The following ACOT11 variants were observed in gnomAD, a reference collection of about 807,000 sequenced individuals.
ACOT11 encodes the protein acyl-coenzyme A thioesterase 11.
A neutral mutation model predicts 77.5 loss-of-function variants in ACOT11; 69 were observed. That is an observed-to-expected ratio of 0.89 (90% confidence interval 0.73 to 1.09). ACOT11 has a LOEUF of 1.09. Among genes scored for constraint, ACOT11 ranks in the 50% least tolerant of loss-of-function variants. The pLI is 0.00. For synonymous variants in ACOT11, 279 were observed against 313.0 expected (o/e 0.89, Z 1.15); for missense variants, 766 against 813.7 (o/e 0.94, Z 0.71).
intron 1 of ACOT11, among the ~76,000 whole-genome samples, chr1:54,569,129 T>TAA (rs1653846480): frequency 3.3e-4 from 11 of 33,102 alleles, no homozygotes; most frequent in Non-Finnish European, 5.3e-4. Context: ...AAAAAAATAA[T>TAA]TTTTTTTTTT....
intron 11 of ACOT11, 26 bp downstream of exon 11, chr1:54,603,963 A>C (rs762428631): frequency 6.2e-7 from 1 of 1,610,766 alleles, no homozygotes; most frequent in Non-Finnish European, 8.5e-7. Context: ...CCGAGAGGAC[A>C]GTCTTCAGAC....
intron 13 of ACOT11, among the ~76,000 whole-genome samples, chr1:54,605,449 G>C (rs995722515): frequency 6.6e-6 from 1 of 152,198 alleles, no homozygotes; most frequent in African/African-American, 2.4e-5. Flanking sequence ...CCAACCAGCT[G>C]TGTGACATTG....
exon 17 of ACOT11, chr1:54,636,572 AGAGACGAGCAG>A (rs771276305): frequency 6.6e-6 from 1 of 152,210 alleles, no homozygotes; most frequent in South Asian, 2.1e-4. Flanking sequence ...TCCATTGCCC[AGAGACGAGCAG>A]GAGACAGAAG....
At chr1:54,616,754 G>A (rs1197282522) in intron 15 of ACOT11, among the ~76,000 whole-genome samples, 1 of 152,080 alleles carries the variant, frequency 6.6e-6, no homozygotes, top group Non-Finnish European at 1.5e-5. Context: ...ACATTTCCAC[G>A]ATCTTTTTTT....
Position 54,609,882 on chromosome 1 carries a change from C to A in ACOT11, c.*770C>A. The A allele has an allele frequency of 6.2e-7, 1 of 1,613,190 alleles. No homozygotes were observed. The highest frequency in any genetic ancestry group is 1.1e-5 in the South Asian group (1 of 91,076). ...CCACTTGGAGTATGAACAATGGGCA[C>A]GGGGTTTTCAGCCACAGTTCCCTCG... On this transcript the variant is annotated 3_prime_UTR_variant, in exon 16 of 16. Coordinates refer to ENST00000343744, the MANE Select transcript of ACOT11 (RefSeq NM_147161.4).
chr1:54,617,887 C>T (rs544592332), intron 15 of ACOT11, among the ~76,000 whole-genome samples: 5 of 151,648 alleles, frequency 3.3e-5, no homozygotes, highest in South Asian at 4.2e-4. Context: ...CCACCATGCA[C>T]GGCTAATTTT....
At chr1:54,585,175 T>C (rs1477901288) in intron 2 of ACOT11, among the ~76,000 whole-genome samples, 1 of 152,172 alleles carries the variant, frequency 6.6e-6, no homozygotes, top group Admixed American at 6.5e-5. Context: ...AGCCCCTGAC[T>C]GCCTGCCCTG....
At chr1:54,580,859 A>C (rs1654280521) in intron 1 of ACOT11, among the ~76,000 whole-genome samples, 1 of 152,214 alleles carries the variant, frequency 6.6e-6, no homozygotes, top group Non-Finnish European at 1.5e-5. Context: ...CCTAGCAGAC[A>C]GGCGCAGATA....
intron 1 of ACOT11, among the ~76,000 whole-genome samples, chr1:54,563,335 G>C (rs1653618602): frequency 6.6e-6 from 1 of 152,106 alleles, no homozygotes; most frequent in African/African-American, 2.4e-5. Flanking sequence ...CTTTGGTATT[G>C]AGAAAAGCGA....
At chr1:54,581,781 G>A (rs969610310) in intron 1 of ACOT11, among the ~76,000 whole-genome samples, 2 of 152,138 alleles carry the variant, frequency 1.3e-5, no homozygotes, top group Admixed American at 6.5e-5. Context: ...CTCTCCCTAT[G>A]ACTGGCCCTG....
At chr1:54,572,574 G>T (rs983325300) in intron 1 of ACOT11, among the ~76,000 whole-genome samples, 1 of 152,210 alleles carries the variant, frequency 6.6e-6, no homozygotes, top group South Asian at 2.1e-4. Context: ...CCCTGAGGGG[G>T]GGGGTCACAC....
At chr1:54,586,270 T>C (rs1307071613) in intron 3 of ACOT11, among the ~76,000 whole-genome samples, 4 of 150,458 alleles carry the variant, frequency 2.7e-5, no homozygotes, top group African/African-American at 9.9e-5. Context: ...CTTTTTGAGC[T>C]TGGACATTCT....
intron 1 of ACOT11, among the ~76,000 whole-genome samples, chr1:54,559,300 C>T (rs1022238170): frequency 6.6e-6 from 1 of 151,354 alleles, no homozygotes; most frequent in Non-Finnish European, 1.5e-5. Context: ...GCTGAGCTGA[C>T]CCCACCCCAC....
intron 1 of ACOT11, among the ~76,000 whole-genome samples, chr1:54,565,700 A>G (rs1386097433): frequency 6.6e-6 from 1 of 152,128 alleles, no homozygotes; most frequent in African/African-American, 2.4e-5. Context: ...GGGATCTTTG[A>G]GCTTCTGCAA....
intron 1 of ACOT11, among the ~76,000 whole-genome samples, chr1:54,583,139 C>T (rs564782242): frequency 5.3e-5 from 8 of 152,228 alleles, no homozygotes; most frequent in Non-Finnish European, 7.4e-5. Context: ...TGTGAGAGCC[C>T]GCAAGCCAGG....
intron 7 of ACOT11, 141 bp from the exon 8 acceptor site, chr1:54,599,155 A>T (rs1289733046): frequency 4.0e-5 from 1 of 25,234 alleles, no homozygotes; most frequent in Non-Finnish European, 6.8e-5. Flanking sequence ...TCAAAAAAAA[A>T]AAAAAAAAAA....
Position 54,584,495 on chromosome 1 carries a change from G to T in ACOT11, c.34-160G>T, listed in dbSNP as rs547792868. 5.4e-4 allele frequency among the ~76,000 whole-genome samples: 82 copies of T among 152,234 alleles called. No homozygotes were observed. Among genetic ancestry groups the T allele is most frequent in the African/African-American group, 1.9e-3 (79 of 41,526 alleles). ...CAGATATCCTGGGGTCCGAGACCACGGGCTGGAGGGTGGTGACCACTCTCG... is the reference window on the plus strand; with the variant it reads ...CAGATATCCTGGGGTCCGAGACCACTGGCTGGAGGGTGGTGACCACTCTCG... On this transcript the variant is annotated intron_variant, in intron 1 of 15. Transcript: ENST00000343744. The surrounding 1 kb of genome is among the most constrained non-coding windows in gnomAD (Gnocchi z 6.3).
At chr1:54,610,351 C>T, downstream of ACOT11, 2 of 1,583,752 alleles carry the variant, frequency 1.3e-6, no homozygotes. Flanking sequence ...GGTACCTGCC[C>T]CAAGCAAAGG....
exon 17 of ACOT11, chr1:54,635,349 G>A (rs1644325404): frequency 7.4e-6 from 2 of 270,566 alleles, no homozygotes; most frequent in Non-Finnish European, 1.4e-5. Context: ...GTTAAGTACG[G>A]CAAAAGTTCC....
Sources: gnomAD v4.1 joint callset for allele counts (sites outside exome capture counted in the v4.1 genomes callset) on GRCh38, gnomAD v4.1.1 for gene constraint, Gnocchi (gnomAD v3.1) non-coding constraint, MANE v1.5 for transcripts, NCBI Gene and HGNC (gene_info 2026-07-23, HGNC 2026-07-21) for gene names.